Variants in LRRTM4 observed in about 807,000 individuals in gnomAD.
The protein encoded by LRRTM4 is leucine rich repeat transmembrane neuronal 4, also known as leucine-rich repeat transmembrane neuronal protein 4.
A neutral mutation model predicts 47.6 loss-of-function variants in LRRTM4; 25 were observed. The ratio of observed to expected loss-of-function variants is 0.53; its 90% CI spans 0.38 to 0.73. The LOEUF is 0.73. Among genes scored for constraint, LRRTM4 ranks in the 30% least tolerant of loss-of-function variants. The probability of loss-of-function intolerance (pLI) is 0.00; values close to 1 mark genes in which losing one functional copy is unlikely to be tolerated. For missense variants in LRRTM4, 638 were observed against 713.4 expected (o/e 0.89, Z 1.20); for synonymous variants, 311 against 269.5 (o/e 1.15, Z -1.51).
rs548229819 is a variant in LRRTM4 at position 77,260,590 on chromosome 2, G to A, written c.1551+257728C>T. On this transcript the variant is annotated intron_variant, in intron 3 of 3. Transcript: ENST00000409884. The stretch of plus-strand genomic sequence containing the variant: ...AGAGATTCTAATTTGCCATCATTTA[G>A]TTCTTGATGCAATTAAGAAAAGTAA... 1.9e-3 allele frequency among the ~76,000 whole-genome samples: 287 copies of A among 152,110 alleles called. 1 individual carries two copies. Among genetic ancestry groups the A allele is most frequent in the Non-Finnish European group, 2.5e-3 (172 of 67,950 alleles).
At chr2:77,008,587 C>T (rs961447651) in intron 3 of LRRTM4, among the ~76,000 whole-genome samples, 1 of 152,114 alleles carries the variant, frequency 6.6e-6, no homozygotes, top group Non-Finnish European at 1.5e-5. Flanking sequence ...GTTGTCAATG[C>T]AATTCCTGAC....
rs1282143102 is a variant in LRRTM4, at chr2:77,362,170, A to AAAGAAAGGAAGGAAGGAAGG, written c.1551+156147_1551+156148insCCTTCCTTCCTTCCTTTCTT. ...GAAAGAAAGAAAGAAAGAAAGAAAG[A>AAAGAAAGGAAGGAAGGAAGG]AAGGAAGGAAGGAAGAGTTCTTAAT... On this transcript the variant is annotated intron_variant, in intron 3 of 3. Transcript: ENST00000409884. Among the ~76,000 whole-genome samples the AAAGAAAGGAAGGAAGGAAGG allele has an allele frequency of 1.4e-3, 186 of 133,536 alleles. 1 individual carries two copies. The highest frequency in any genetic ancestry group is 7.4e-3 in the Middle Eastern group (2 of 272). The allele number at this position is 133,536 out of a possible 152,430, so 87.6% of individuals were successfully genotyped here. A position where few individuals can be genotyped will look rare whatever the true frequency, so the allele number is the denominator to read the frequency against.
intron 3 of LRRTM4, among the ~76,000 whole-genome samples, chr2:76,932,412 T>C (rs776347856): frequency 1.1e-4 from 17 of 152,078 alleles, no homozygotes; most frequent in Non-Finnish European, 2.2e-4. Context: ...ATGATATGTA[T>C]ACAGGTACCT....
At chr2:77,071,862 G>T (rs960998469) in intron 3 of LRRTM4, among the ~76,000 whole-genome samples, 3 of 152,124 alleles carry the variant, frequency 2.0e-5, no homozygotes, top group Non-Finnish European at 4.4e-5. Context: ...AAGGAAAGTT[G>T]AGGACACTAG....
At chr2:77,379,985 A>G (rs1278008029) in intron 3 of LRRTM4, among the ~76,000 whole-genome samples, 1 of 152,122 alleles carries the variant, frequency 6.6e-6, no homozygotes, top group Non-Finnish European at 1.5e-5. Context: ...ATAAGAAGGC[A>G]TATGTAGCTT....
At chr2:76,919,431 G>A (rs1674364970) in intron 3 of LRRTM4, among the ~76,000 whole-genome samples, 1 of 152,158 alleles carries the variant, frequency 6.6e-6, no homozygotes, top group Admixed American at 6.5e-5. Context: ...CCAGGAGGTA[G>A]CCAAGGACCA....
At position 77,287,479 on chromosome 2, in the gene LRRTM4, T is replaced by C. The variant is rs559023033; in HGVS notation, c.1551+230839A>G. On this transcript the variant is annotated intron_variant, in intron 3 of 3. Coordinates refer to ENST00000409884, the MANE Select transcript of LRRTM4 (RefSeq NM_001134745.3). ...AAGTACAGTAGTCCCCTTTTACCCATGTTTTTTTCCCCCAAGGTTTGTGTT... is the reference window on the plus strand; with the variant it reads ...AAGTACAGTAGTCCCCTTTTACCCACGTTTTTTTCCCCCAAGGTTTGTGTT... 3.9e-3 allele frequency among the ~76,000 whole-genome samples: 577 copies of C among 146,644 alleles called. 3 individuals are homozygous for C. The highest frequency in any genetic ancestry group is 0.015 in the African/African-American group (537 of 36,988).
chr2:76,944,861 T>C (rs1170742877), intron 3 of LRRTM4, among the ~76,000 whole-genome samples: 1 of 152,004 alleles, frequency 6.6e-6, no homozygotes, highest in Non-Finnish European at 1.5e-5. Context: ...AATAATCTAT[T>C]TGTAAAGGTT....
intron 3 of LRRTM4, among the ~76,000 whole-genome samples, chr2:77,483,352 T>C (rs1677789262): frequency 6.6e-6 from 1 of 151,976 alleles, no homozygotes; most frequent in African/African-American, 2.4e-5. Flanking sequence ...GACTTTTTAG[T>C]GGTGGAGGGG....
chr2:76,888,387 C>G (rs1673145131), intron 3 of LRRTM4, among the ~76,000 whole-genome samples: 2 of 151,336 alleles, frequency 1.3e-5, no homozygotes, highest in Non-Finnish European at 3.0e-5. Context: ...TGTATTCTTT[C>G]TCGAACACAT....
rs1394670587 is a variant in LRRTM4 at position 76,857,385 on chromosome 2, T to C, written c.1552-108469A>G. Among the ~76,000 whole-genome samples, 4 of 150,650 alleles carry C rather than the reference T, an allele frequency of 2.7e-5. No individual in the cohort carries two copies. The Admixed American group carries it at 2.7e-4, about 10-fold the overall frequency. On this transcript the variant is annotated intron_variant, in intron 3 of 3. Transcript: ENST00000409884. ...GCTTGTTTTGATATTCATATTTACA[T>C]ATATGAGATATAGAAGATACAAATG...
rs1423833413 is a variant in LRRTM4, at chr2:76,946,499, G to C, written c.1552-197583C>G. Among the ~76,000 whole-genome samples, 4 of 151,744 alleles carry C rather than the reference G, an allele frequency of 2.6e-5. No homozygotes were observed. The East Asian group carries it at 7.8e-4, about 29-fold the overall frequency. On this transcript the variant is annotated intron_variant, in intron 3 of 3. Coordinates refer to ENST00000409884, the MANE Select transcript of LRRTM4 (RefSeq NM_001134745.3). ...TGCTTGGAAATGATGCTATAGACTAGATATAATATCAAAGGTCAGGCTTTT... is the reference window on the plus strand; with the variant it reads ...TGCTTGGAAATGATGCTATAGACTACATATAATATCAAAGGTCAGGCTTTT...
intron 3 of LRRTM4, among the ~76,000 whole-genome samples, chr2:76,807,669 G>A (rs1389722353): frequency 2.7e-5 from 4 of 148,212 alleles, no homozygotes; most frequent in Admixed American, 1.4e-4. Flanking sequence ...TCAGCTCATC[G>A]CAACCTCTGC....
rs193142779 is a variant in LRRTM4, at chr2:77,474,802, T to C, written c.1551+43516A>G. 5.3e-5 allele frequency among the ~76,000 whole-genome samples: 8 copies of C among 152,236 alleles called. No individual in the cohort carries two copies. The East Asian group carries it at 1.5e-3, about 29-fold the overall frequency. ...ATGTTGGATGTGGGATCAGTGATTC[T>C]TTCATATTGTGCTCATTACAAATAA... On this transcript the variant is annotated intron_variant, in intron 3 of 3. Coordinates refer to ENST00000409884, the MANE Select transcript of LRRTM4 (RefSeq NM_001134745.3).
At chr2:77,091,004 G>T (rs183073528) in intron 3 of LRRTM4, among the ~76,000 whole-genome samples, 22,703 of 149,288 alleles carry the variant, frequency 0.15, 732 homozygotes, top group East Asian at 0.18. Flanking sequence ...CTTGCCTCCA[G>T]AACTGTTGTG....
chr2:76,784,161 C>T (rs1015795078), intron 3 of LRRTM4, among the ~76,000 whole-genome samples: 3 of 151,948 alleles, frequency 2.0e-5, no homozygotes, highest in Non-Finnish European at 4.4e-5. Context: ...AATTGTATTA[C>T]ACACACAAAA....
intron 3 of LRRTM4, among the ~76,000 whole-genome samples, chr2:76,967,490 A>C (rs557674591): frequency 6.6e-6 from 1 of 151,628 alleles, no homozygotes; most frequent in East Asian, 2.0e-4. Flanking sequence ...GAGCAAGTTT[A>C]ATCTCCTTGG....
chr2:76,961,069 A>G (rs930481906), intron 3 of LRRTM4, among the ~76,000 whole-genome samples: 2 of 151,538 alleles, frequency 1.3e-5, no homozygotes, highest in African/African-American at 4.8e-5. Flanking sequence ...TAATGTAAAT[A>G]TATTAACTCA....
rs566290740 is a variant in LRRTM4 at position 76,764,783 on chromosome 2, A to T, written c.1552-15867T>A. Among the ~76,000 whole-genome samples the T allele has an allele frequency of 2.0e-5, 3 of 152,326 alleles. No homozygotes were observed. In the East Asian group the frequency reaches 5.8e-4, roughly 29 times the overall value. ...GGACTATAGAGCTATCCAGCTGCCA[A>T]TGTAAGTTTTCCTTCTAGAAAAGGG... is the stretch of plus-strand genomic sequence containing the variant. On this transcript the variant is annotated intron_variant, in intron 3 of 3. Transcript: ENST00000409884.
Sources: gnomAD v4.1 joint callset for allele counts (sites outside exome capture counted in the v4.1 genomes callset) on GRCh38, gnomAD v4.1.1 for gene constraint, MANE v1.5 for transcripts, NCBI Gene and HGNC (gene_info 2026-07-23, HGNC 2026-07-21) for gene names.